The following FBXW11 variants were observed in gnomAD, a reference collection of about 807,000 sequenced individuals.
FBXW11 encodes F-box and WD repeat domain containing 11.
FBXW11 carries 19 observed loss-of-function variants against 77.6 expected under a neutral mutation model. The ratio of observed to expected loss-of-function variants is 0.24; its 90% CI spans 0.17 to 0.36. The LOEUF is 0.36. FBXW11 is among the 10% of genes least tolerant of loss of function. FBXW11 has a pLI of 1.00. For synonymous variants in FBXW11, 235 were observed against 249.4 expected (o/e 0.94, Z 0.54); for missense variants, 334 against 704.2 (o/e 0.47, Z 5.95).
intron 1 of FBXW11, among the ~76,000 whole-genome samples, chr5:172,000,376 T>C (rs1766339374): frequency 6.6e-6 from 1 of 152,216 alleles, no homozygotes. Flanking sequence ...AAAATAGGAC[T>C]GGGTGGGTTC....
chr5:171,906,876 T>C (rs1005656912), intron 4 of FBXW11, among the ~76,000 whole-genome samples: 5 of 152,172 alleles, frequency 3.3e-5, no homozygotes, highest in African/African-American at 1.2e-4. Context: ...TTTAATCTAA[T>C]CTCTGTCACA....
chr5:171,980,499 T>C (rs746420449), intron 1 of FBXW11, among the ~76,000 whole-genome samples: 11 of 152,136 alleles, frequency 7.2e-5, no homozygotes, highest in Non-Finnish European at 1.3e-4. Flanking sequence ...TTCCAGACTA[T>C]AAAAAGACTC....
At chr5:171,932,476 T>C (rs954834669) in intron 2 of FBXW11, among the ~76,000 whole-genome samples, 1 of 152,182 alleles carries the variant, frequency 6.6e-6, no homozygotes, top group Non-Finnish European at 1.5e-5. Flanking sequence ...ACTTTATTTT[T>C]TTTAATTTGT....
chr5:171,996,815 A>T (rs182084002), intron 1 of FBXW11: 1 of 1,063,002 alleles, frequency 9.4e-7, no homozygotes. Flanking sequence ...AAAATAAATA[A>T]GGGAAAATAT....
chr5:171,960,639 A>C (rs1163055439), intron 1 of FBXW11, among the ~76,000 whole-genome samples: 1 of 152,266 alleles, frequency 6.6e-6, no homozygotes, highest in African/African-American at 2.4e-5. Context: ...TGAGAACAGG[A>C]AGGCATTTTA....
chr5:171,931,201 AT>A (rs1225684447), intron 2 of FBXW11, among the ~76,000 whole-genome samples: 2 of 152,258 alleles, frequency 1.3e-5, no homozygotes, highest in Admixed American at 6.5e-5. Flanking sequence ...GCTAAAAAAA[AT>A]AAATAATTCA....
At chr5:171,898,921 GA>G in intron 6 of FBXW11, 82 bp downstream of exon 6, 1 of 798,992 alleles carries the variant, frequency 1.3e-6, no homozygotes, top group Non-Finnish European at 1.9e-6. Context: ...TACGATTTTA[GA>G]CCAAAAGAAC....
chr5:171,917,470 T>C (rs1443879608), intron 2 of FBXW11, among the ~76,000 whole-genome samples: 3 of 152,112 alleles, frequency 2.0e-5, no homozygotes, highest in African/African-American at 4.8e-5. Context: ...CTGAAGAAAA[T>C]AGCAGCTATT....
intron 7 of FBXW11, among the ~76,000 whole-genome samples, chr5:171,880,847 C>G (rs1429417176): frequency 1.3e-5 from 2 of 152,156 alleles, no homozygotes; most frequent in African/African-American, 4.8e-5. Context: ...AGGCGCCCAC[C>G]ACCACACCCG....
intron 10 of FBXW11, among the ~76,000 whole-genome samples, chr5:171,871,831 A>C (rs1757770867): frequency 1.3e-5 from 2 of 152,242 alleles, no homozygotes; most frequent in South Asian, 4.1e-4. Flanking sequence ...CTGTGATCAA[A>C]GCCATTCAGT....
Position 171,971,579 on chromosome 5 carries a change from T to G in FBXW11, c.46-13881A>C, listed in dbSNP as rs532874301. On this transcript the variant is annotated intron_variant, in intron 1 of 13. Coordinates refer to ENST00000517395, the MANE Select transcript of FBXW11 (RefSeq NM_001378974.1). ...TTTTTCTGAAATAAACTAAGGTTTC[T>G]GTATATGTTACCAGCAGCAAAAGTC... is the stretch of plus-strand genomic sequence containing the variant. Among the ~76,000 whole-genome samples the G allele has an allele frequency of 4.6e-4, 70 of 152,308 alleles. No homozygotes were observed. In the South Asian group the frequency reaches 0.014, roughly 30 times the overall value.
rs116984770 is a variant in FBXW11, at chr5:171,903,482, C to T, written c.437-3382G>A. 7.3e-4 allele frequency among the ~76,000 whole-genome samples: 111 copies of T among 152,286 alleles called. No homozygotes were observed. In the East Asian group the frequency reaches 0.02, roughly 27 times the overall value. On this transcript the variant is annotated intron_variant, in intron 4 of 13. Transcript: ENST00000517395. ...GGGTTCTGCTTGTGCCTCTCCATCACTAGGATTGACAAATTATTCATCAGA... is the reference window on the plus strand; with the variant it reads ...GGGTTCTGCTTGTGCCTCTCCATCATTAGGATTGACAAATTATTCATCAGA...
At chr5:171,970,133 T>TA (rs1764441552) in intron 1 of FBXW11, among the ~76,000 whole-genome samples, 1 of 152,228 alleles carries the variant, frequency 6.6e-6, no homozygotes, top group Admixed American at 6.5e-5. Flanking sequence ...TTGGCCCTGT[T>TA]AAAAAATCTT....
Position 171,957,713 on chromosome 5 carries a change from AAAGG to A in FBXW11, c.46-19_46-16del, listed in dbSNP as rs758300042. Reference sequence around the variant, plus strand: ...GGCACAGAACACTGCAGGATGACAAAAAGGAAGGAAGAGAAGAAGCAGTTAGAGG... The same window carrying A: ...GGCACAGAACACTGCAGGATGACAAAAAGGAAGAGAAGAAGCAGTTAGAGG... On this transcript the variant is annotated splice_polypyrimidine_tract_variant and intron_variant, in intron 1 of 13. Coordinates refer to ENST00000517395, the MANE Select transcript of FBXW11 (RefSeq NM_001378974.1). 10 of 1,611,026 alleles carry A rather than the reference AAAGG, an allele frequency of 6.2e-6. No homozygotes were observed. The highest frequency in any genetic ancestry group is 8.5e-6 in the Non-Finnish European group (10 of 1,177,352).
chr5:171,991,618 A>T (rs1408086037), intron 1 of FBXW11, among the ~76,000 whole-genome samples: 1 of 152,228 alleles, frequency 6.6e-6, no homozygotes, highest in African/African-American at 2.4e-5. Flanking sequence ...CACAGTCTTC[A>T]CTGTTCAGGT....
intron 2 of FBXW11, among the ~76,000 whole-genome samples, chr5:171,952,535 C>T (rs1252004329): frequency 2.9e-5 from 4 of 140,266 alleles, no homozygotes; most frequent in Non-Finnish European, 4.6e-5. Flanking sequence ...TCACTGCAGC[C>T]GCCACCTCCT....
chr5:171,997,753 T>C (rs575860500), intron 1 of FBXW11, among the ~76,000 whole-genome samples: 38 of 152,192 alleles, frequency 2.5e-4, no homozygotes, highest in Admixed American at 1.4e-3. Context: ...CAATATTCTT[T>C]TTCTACCATA....
At chr5:171,912,287 G>A (rs1013039913) in intron 3 of FBXW11, among the ~76,000 whole-genome samples, 44 of 152,166 alleles carry the variant, frequency 2.9e-4, no homozygotes, top group African/African-American at 1.1e-3. Flanking sequence ...TTCTTCCCTT[G>A]TATCTTGGGT....
chr5:171,930,745 A>AGGCTGGGCAGGCC (rs1762133200), intron 2 of FBXW11, among the ~76,000 whole-genome samples: 1 of 101,406 alleles, frequency 9.9e-6, no homozygotes, highest in African/African-American at 3.8e-5. Context: ...AAAAATAAAA[A>AGGCTGGGCAGGCC]ATAAAAAATA....
Sources: gnomAD v4.1 joint callset for allele counts (sites outside exome capture counted in the v4.1 genomes callset) on GRCh38, gnomAD v4.1.1 for gene constraint, MANE v1.5 for transcripts, NCBI Gene and HGNC (gene_info 2026-07-23, HGNC 2026-07-21) for gene names.